Variants in PRSS48 observed in about 807,000 individuals in gnomAD.
PRSS48 encodes epidermis-specific serine protease-like protein.
A neutral mutation model predicts 25.6 loss-of-function variants in PRSS48; 21 were observed. That is an observed-to-expected ratio of 0.82 (90% confidence interval 0.58 to 1.18). The LOEUF is 1.18. Among genes scored for constraint, PRSS48 ranks in the 50% most tolerant of loss-of-function variants. The probability of loss-of-function intolerance (pLI) is 0.00; values close to 1 mark genes in which losing one functional copy is unlikely to be tolerated. For synonymous variants in PRSS48, 150 were observed against 149.3 expected, an observed-to-expected ratio of 1.00 and a Z score of -0.04; for missense variants, 373 against 399.3, an observed-to-expected ratio of 0.93 and a Z score of 0.56.
intron 4 of PRSS48, among the ~76,000 whole-genome samples, chr4:151,289,738 C>T (rs1775143209): frequency 6.6e-6 from 1 of 152,072 alleles, no homozygotes. Context: ...CCCAGAAATT[C>T]CACTCCTAGG....
intron 4 of PRSS48, among the ~76,000 whole-genome samples, 156 bp from the exon 5 acceptor site, chr4:151,290,962 A>T (rs559004045): frequency 2.0e-5 from 3 of 152,312 alleles, no homozygotes; most frequent in African/African-American, 7.2e-5. Flanking sequence ...AATTCCTGTG[A>T]TATCTCCCTA....
At chr4:151,279,220 G>A (rs1331872490) in intron 1 of PRSS48, 1 of 224,964 alleles carries the variant, frequency 4.4e-6, no homozygotes, top group Non-Finnish European at 8.7e-6. Flanking sequence ...AGAGAAATGT[G>A]GAAATCTTTT....
chr4:151,291,213 T>C, exon 5 of PRSS48: 1 of 1,613,600 alleles, frequency 6.2e-7, no homozygotes, highest in Non-Finnish European at 8.5e-7. Context: ...AATCTCTTCC[T>C]GGAGTCTACA....
At chr4:151,279,725 T>A in intron 1 of PRSS48, 71 bp from the exon 2 acceptor site, 2 of 1,441,806 alleles carry the variant, frequency 1.4e-6, no homozygotes, top group Non-Finnish European at 1.9e-6. Flanking sequence ...AGTTTGGGAA[T>A]GATGATAAGG....
chr4:151,290,478 A>G (rs548809053), intron 4 of PRSS48, among the ~76,000 whole-genome samples: 1 of 152,340 alleles, frequency 6.6e-6, no homozygotes, highest in Non-Finnish European at 1.5e-5. Context: ...TGAAATGTCT[A>G]AAATAGGCAA....
At chr4:151,286,199 A>AAAAAAAAC (rs1774761977) in intron 4 of PRSS48, among the ~76,000 whole-genome samples, 1 of 149,130 alleles carries the variant, frequency 6.7e-6, no homozygotes, top group African/African-American at 2.5e-5. Context: ...AAAAAAAAAA[A>AAAAAAAAC]AAAAACAACT....
chr4:151,283,398 G>T, intron 4 of PRSS48, 112 bp downstream of exon 4: 3 of 836,410 alleles, frequency 3.6e-6, no homozygotes, highest in Admixed American at 2.6e-5. Flanking sequence ...AGGGTTCTAA[G>T]AATAACTCTT....
chr4:151,286,983 AAT>A (rs1261186540), intron 4 of PRSS48, among the ~76,000 whole-genome samples: 12 of 55,632 alleles, frequency 2.2e-4, no homozygotes, highest in African/African-American at 4.6e-4. Flanking sequence ...CTGTCTCAAA[AAT>A]AATAATAATA....
chr4:151,288,361 A>G (rs1346642084), intron 4 of PRSS48, among the ~76,000 whole-genome samples: 4 of 152,376 alleles, frequency 2.6e-5, no homozygotes, highest in South Asian at 2.1e-4. Flanking sequence ...ACATGATTTT[A>G]TAAATAGAAA....
At chr4:151,278,453 G>C (rs1488084793) in intron 1 of PRSS48, among the ~76,000 whole-genome samples, 2 of 141,934 alleles carry the variant, frequency 1.4e-5, no homozygotes, top group African/African-American at 2.6e-5. Flanking sequence ...CCCAAAAGAA[G>C]AAAAAAAAAA....
chr4:151,282,788 G>C (rs537528501), intron 3 of PRSS48, among the ~76,000 whole-genome samples: 24 of 152,126 alleles, frequency 1.6e-4, no homozygotes, highest in African/African-American at 5.3e-4. Flanking sequence ...GACAAGAACT[G>C]ATCTAGAAGC....
chr4:151,279,678 G>C, intron 1 of PRSS48, 118 bp from the exon 2 acceptor site: 1 of 887,106 alleles, frequency 1.1e-6, no homozygotes, highest in Non-Finnish European at 1.7e-6. Context: ...ATGGAGTATG[G>C]TGTCTAGGGA....
chr4:151,289,565 G>C (rs534691585), intron 4 of PRSS48, among the ~76,000 whole-genome samples: 10 of 152,294 alleles, frequency 6.6e-5, no homozygotes, highest in Non-Finnish European at 1.3e-4. Flanking sequence ...CATCTGAATA[G>C]ATATTTTTCT....
intron 4 of PRSS48, among the ~76,000 whole-genome samples, chr4:151,284,601 T>C (rs1459525639): frequency 6.6e-6 from 1 of 152,222 alleles, no homozygotes; most frequent in African/African-American, 2.4e-5. Flanking sequence ...CTTTTTCTCA[T>C]GAGTAGCATT....
At chr4:151,290,717 C>T (rs1395421156) in intron 4 of PRSS48, among the ~76,000 whole-genome samples, 1 of 152,138 alleles carries the variant, frequency 6.6e-6, no homozygotes, top group Admixed American at 6.6e-5. Flanking sequence ...GAGAACAAGA[C>T]TAGAAGACTA....
exon 3 of PRSS48, chr4:151,282,249 C>A (rs1256053069): frequency 6.2e-7 from 1 of 1,613,806 alleles, no homozygotes; most frequent in African/African-American, 1.3e-5. Flanking sequence ...GTCATCCATC[C>A]CAAGTACCAA....
intron 4 of PRSS48, among the ~76,000 whole-genome samples, chr4:151,289,802 G>A (rs1457098625): frequency 6.6e-6 from 1 of 152,134 alleles, no homozygotes; most frequent in Non-Finnish European, 1.5e-5. Flanking sequence ...CACGTGAGCT[G>A]GGCACAGTGG....
intron 2 of PRSS48, among the ~76,000 whole-genome samples, chr4:151,280,571 T>C (rs1259623232): frequency 6.6e-6 from 1 of 152,220 alleles, no homozygotes; most frequent in Non-Finnish European, 1.5e-5. Context: ...ATGCAACAAT[T>C]GATAACTAAT....
chr4:151,277,547 T>C (rs1773759839), intron 1 of PRSS48, among the ~76,000 whole-genome samples: 1 of 152,088 alleles, frequency 6.6e-6, no homozygotes, highest in African/African-American at 2.4e-5. Flanking sequence ...GGCAGGAGTG[T>C]TGCAATCTTT....
Sources: allele counts gnomAD v4.1 joint callset (sites outside exome capture counted in the v4.1 genomes callset), GRCh38; gene constraint gnomAD v4.1.1; transcripts MANE v1.5; gene names NCBI Gene and HGNC (gene_info 2026-07-23, HGNC 2026-07-21).